STK33: variants seen among roughly 807,000 people sequenced by gnomAD.
STK33 encodes the protein serine/threonine kinase 33, also known as serine/threonine-protein kinase 33.
Under a neutral mutation model 58.0 loss-of-function variants are expected in STK33, and 52 were observed. The ratio of observed to expected loss-of-function variants is 0.90; its 90% CI spans 0.72 to 1.13. The LOEUF (loss-of-function observed/expected upper bound fraction) is 1.13, where lower values mean the gene tolerates loss of function less well. STK33 is among the 50% of genes most tolerant of loss of function. The pLI, the probability that STK33 is intolerant of heterozygous loss-of-function variation, is 0.00. For synonymous variants in STK33, 215 were observed against 200.1 expected (o/e 1.07, Z -0.63); for missense variants, 630 against 604.2 (o/e 1.04, Z -0.45).
In STK33 at chr11:8,440,741, A is replaced by G. The variant is rs945079859; in HGVS notation, c.884T>C (p.Ile295Thr). 1.3e-6 allele frequency: 2 copies of G among 1,567,586 alleles called. No individual in the cohort carries two copies. The highest frequency in any genetic ancestry group is 1.3e-5 in the African/African-American group (1 of 74,152). ...CTGCTGGCTATAGTCGTGGGCACTG[A>G]TAACTTCAGGGGCTGCCAAACAAGC... ...GTPIYMAPEVISAHDYSQQCD... is the reference protein window; with the variant it reads ...GTPIYMAPEVTSAHDYSQQCD... Residue 295 changes from isoleucine to threonine, a missense_variant, in exon 12 of 16, where the codon ATC becomes ACC. Coordinates refer to ENST00000687296, the MANE Select transcript of STK33 (RefSeq NM_001352389.2).
At chr11:8,575,169 G>A (rs1958091173) in intron 1 of STK33, among the ~76,000 whole-genome samples, 1 of 152,196 alleles carries the variant, frequency 6.6e-6, no homozygotes, top group African/African-American at 2.4e-5. Context: ...AAATGGTGTA[G>A]CTGCTGTGAA....
chr11:8,338,182 T>C, the STK33 span, among the ~76,000 whole-genome samples: 819 of 152,232 alleles, frequency 5.4e-3, 4 homozygotes, highest in African/African-American at 0.019. Context: ...CCACAGGCCA[T>C]ACACAGGGCC....
intron 1 of STK33, among the ~76,000 whole-genome samples, chr11:8,548,508 T>C (rs1388169402): frequency 6.6e-6 from 1 of 152,264 alleles, no homozygotes; most frequent in Non-Finnish European, 1.5e-5. Flanking sequence ...CTGGTTATTA[T>C]GACTTTGTAA....
intron 1 of STK33, among the ~76,000 whole-genome samples, chr11:8,520,166 C>A (rs1489234073): frequency 6.6e-6 from 1 of 152,168 alleles, no homozygotes; most frequent in Non-Finnish European, 1.5e-5. Context: ...AGCTTCATCC[C>A]TGGGATGCAA....
chr11:8,580,620 T>C lies in STK33; in HGVS notation c.-466+13463A>G, dbSNP rs1410280828. Among the ~76,000 whole-genome samples, 3 of 152,056 alleles carry C rather than the reference T, an allele frequency of 2.0e-5. No individual in the cohort carries two copies. In the South Asian group the frequency reaches 6.2e-4, roughly 32 times the overall value. On this transcript the variant is annotated intron_variant, in intron 1 of 15. Coordinates refer to ENST00000687296, the MANE Select transcript of STK33 (RefSeq NM_001352389.2). ...GTACATTTTTAAATAACTTAAAGAG[T>C]ATAAATGGATTATTTGTAACACAAA...
chr11:8,350,859 G>A, the STK33 span, among the ~76,000 whole-genome samples: 1 of 152,130 alleles, frequency 6.6e-6, no homozygotes, highest in African/African-American at 2.4e-5. Flanking sequence ...GAAGTGACTG[G>A]GACCTTCAGT....
chr11:8,337,832 C>T, the STK33 span, among the ~76,000 whole-genome samples: 1 of 152,140 alleles, frequency 6.6e-6, no homozygotes, highest in Non-Finnish European at 1.5e-5. Context: ...ATAGAAAGCT[C>T]TTCCCCCAGA....
chr11:8,571,227 C>A (rs2141128776), intron 1 of STK33, among the ~76,000 whole-genome samples: 1 of 152,274 alleles, frequency 6.6e-6, no homozygotes, highest in Admixed American at 6.5e-5. Context: ...CGGCTAAGAG[C>A]TGATACAAGC....
the STK33 span, among the ~76,000 whole-genome samples, chr11:8,353,556 T>A: frequency 2.5e-3 from 374 of 152,296 alleles, no homozygotes; most frequent in African/African-American, 8.0e-3. Flanking sequence ...ACATTATTAA[T>A]GGACTCCAAG....
chr11:8,399,767 C>T (rs1302044498), intron 15 of STK33, among the ~76,000 whole-genome samples: 1 of 151,710 alleles, frequency 6.6e-6, no homozygotes, highest in Non-Finnish European at 1.5e-5. Flanking sequence ...ATAGATGCAA[C>T]AAAAAATGAT....
intron 1 of STK33, among the ~76,000 whole-genome samples, chr11:8,558,583 A>ATTCTTTCT (rs1956922492): frequency 6.6e-6 from 1 of 152,206 alleles, no homozygotes; most frequent in Non-Finnish European, 1.5e-5. Context: ...GCCAGAAAGA[A>ATTCTTTCT]GGTTATCTGA....
chr11:8,517,449 T>G (rs1385981235), intron 1 of STK33, among the ~76,000 whole-genome samples: 3 of 152,172 alleles, frequency 2.0e-5, no homozygotes, highest in Non-Finnish European at 4.4e-5. Context: ...GCAATGCAGC[T>G]CCTCGCCAGC....
At chr11:8,486,234 G>A (rs1242249593) in intron 1 of STK33, among the ~76,000 whole-genome samples, 1 of 152,186 alleles carries the variant, frequency 6.6e-6, no homozygotes, top group African/African-American at 2.4e-5. Context: ...AAAGCACTGA[G>A]ATTAAAGTGA....
chr11:8,416,223 G>A lies in STK33; in HGVS notation c.1147-2531C>T, dbSNP rs183736100. 1.2e-4 allele frequency among the ~76,000 whole-genome samples: 18 copies of A among 152,258 alleles called. 1 individual carries two copies. In the South Asian group the frequency reaches 1.9e-3, roughly 16 times the overall value. ...GGAGTAACAGAAGAAATTGCTGACTGGGAATGCTGACACTACCACCGTTCA... is the reference window on the plus strand; with the variant it reads ...GGAGTAACAGAAGAAATTGCTGACTAGGAATGCTGACACTACCACCGTTCA... On this transcript the variant is annotated intron_variant, in intron 14 of 15. Transcript: ENST00000687296.
At chr11:8,434,490 T>C (rs1017116470) in intron 14 of STK33, among the ~76,000 whole-genome samples, 1 of 152,144 alleles carries the variant, frequency 6.6e-6, no homozygotes, top group Non-Finnish European at 1.5e-5. Context: ...CATTCAGCAA[T>C]TGTTTGAGTA....
the STK33 span, among the ~76,000 whole-genome samples, chr11:8,351,823 C>A: frequency 6.6e-6 from 1 of 152,246 alleles, no homozygotes; most frequent in African/African-American, 2.4e-5. Flanking sequence ...GATACCACCA[C>A]GAGCTCCTCC....
chr11:8,440,418 T>C (rs11041923), intron 12 of STK33, among the ~76,000 whole-genome samples: 9,111 of 152,144 alleles, frequency 0.06, 508 homozygotes, highest in African/African-American at 0.16. Flanking sequence ...TGTTAAGATT[T>C]TTCATTTTGC....
chr11:8,406,458 G>A (rs916133309), intron 15 of STK33, among the ~76,000 whole-genome samples: 3 of 152,100 alleles, frequency 2.0e-5, no homozygotes, highest in African/African-American at 7.2e-5. Flanking sequence ...AAGTTAATTT[G>A]GGGAGAACTG....
the STK33 span, among the ~76,000 whole-genome samples, chr11:8,375,851 G>T: frequency 6.6e-6 from 1 of 152,174 alleles, no homozygotes; most frequent in East Asian, 1.9e-4. Flanking sequence ...GTGGAACTGT[G>T]AGTCAATTAA....
Sources: gnomAD v4.1 joint callset for allele counts (sites outside exome capture counted in the v4.1 genomes callset) on GRCh38, gnomAD v4.1.1 for gene constraint, MANE v1.5 for transcripts, NCBI Gene and HGNC (gene_info 2026-07-23, HGNC 2026-07-21) for gene names.